The following SCMH1 variants were observed in gnomAD, a reference collection of about 807,000 sequenced individuals.
The protein encoded by SCMH1 is polycomb protein SCMH1.
In SCMH1, 37 loss-of-function variants were observed where a neutral mutation model predicts 70.8. The observed-to-expected ratio is 0.52, with a 90% confidence interval of 0.40 to 0.69. The LOEUF is 0.69. Ranked by LOEUF, SCMH1 falls within the 30% of genes least tolerant of loss-of-function variation. The pLI is 0.00. For synonymous variants in SCMH1, 292 were observed against 307.4 expected (o/e 0.95, Z 0.52); for missense variants, 607 against 827.3 (o/e 0.73, Z 3.27).
intron 12 of SCMH1, among the ~76,000 whole-genome samples, chr1:41,044,603 C>G (rs754619033): frequency 4.7e-4 from 72 of 152,172 alleles, no homozygotes; most frequent in Non-Finnish European, 8.7e-4. Context: ...TGCTGAGCAC[C>G]CACGATGAGA....
intron 1 of SCMH1, among the ~76,000 whole-genome samples, chr1:41,229,147 G>C (rs2148891323): frequency 6.6e-6 from 1 of 151,868 alleles, no homozygotes; most frequent in East Asian, 1.9e-4. Flanking sequence ...AGTGAGCCAA[G>C]ATTGTGCCAT....
At chr1:41,112,949 G>A (rs1669586585) in intron 8 of SCMH1, among the ~76,000 whole-genome samples, 1 of 152,212 alleles carries the variant, frequency 6.6e-6, no homozygotes, top group South Asian at 2.1e-4. Context: ...AGAGGAAGGT[G>A]TGTGCCTTGG....
At chr1:41,128,752 T>G (rs1044640331) in intron 6 of SCMH1, among the ~76,000 whole-genome samples, 1 of 152,156 alleles carries the variant, frequency 6.6e-6, no homozygotes, top group African/African-American at 2.4e-5. Context: ...TCTTATGTGC[T>G]CCTTATCTCT....
chr1:41,048,820 A>C (rs1210873286), exon 11 of SCMH1: 19 of 1,614,102 alleles, frequency 1.2e-5, no homozygotes, highest in Non-Finnish European at 1.5e-5. Flanking sequence ...CAAAATGGTC[A>C]GGGAGTTGCT....
At chr1:41,228,785 T>TA (rs1660762352) in intron 1 of SCMH1, among the ~76,000 whole-genome samples, 1 of 151,750 alleles carries the variant, frequency 6.6e-6, no homozygotes, top group Non-Finnish European at 1.5e-5. Context: ...GAGAATAGTA[T>TA]AATTATCAGA....
chr1:41,110,751 G>T (rs1329800605), intron 8 of SCMH1, among the ~76,000 whole-genome samples: 1 of 152,130 alleles, frequency 6.6e-6, no homozygotes, highest in Non-Finnish European at 1.5e-5. Flanking sequence ...TGCCATGAAT[G>T]TTCATTATGT....
At chr1:41,087,280 G>A (rs1009281314) in intron 8 of SCMH1, among the ~76,000 whole-genome samples, 1 of 151,846 alleles carries the variant, frequency 6.6e-6, no homozygotes, top group African/African-American at 2.4e-5. Context: ...AAGTACTAGA[G>A]GAAAATATAG....
chr1:41,071,388 G>C (rs1462663559), intron 9 of SCMH1, among the ~76,000 whole-genome samples: 1 of 151,684 alleles, frequency 6.6e-6, no homozygotes, highest in Non-Finnish European at 1.5e-5. Context: ...TCTGTTTTTT[G>C]AACTGTTGCA....
At chr1:41,190,813 T>C (rs558542110) in intron 1 of SCMH1, among the ~76,000 whole-genome samples, 1 of 152,224 alleles carries the variant, frequency 6.6e-6, no homozygotes, top group South Asian at 2.1e-4. Context: ...TGCGTCTCCA[T>C]CTACCATTTA....
chr1:41,195,076 A>G (rs1652680634), intron 1 of SCMH1, among the ~76,000 whole-genome samples: 1 of 133,298 alleles, frequency 7.5e-6, no homozygotes, highest in Non-Finnish European at 1.6e-5. Flanking sequence ...GGTTGTGGTG[A>G]GCTAAGATCA....
At chr1:41,198,911 A>C (rs1432827562) in intron 1 of SCMH1, among the ~76,000 whole-genome samples, 1 of 152,146 alleles carries the variant, frequency 6.6e-6, no homozygotes, top group Non-Finnish European at 1.5e-5. Flanking sequence ...ATTCAATTTC[A>C]CCTTGCCTGA....
chr1:41,049,696 G>A (rs1647314065), intron 10 of SCMH1, among the ~76,000 whole-genome samples: 1 of 151,504 alleles, frequency 6.6e-6, no homozygotes, highest in Non-Finnish European at 1.5e-5. Context: ...GAACCTGGAA[G>A]GTGGAGCTTG....
intron 4 of SCMH1, chr1:41,152,756 G>A: frequency 1.9e-6 from 3 of 1,593,336 alleles, no homozygotes; most frequent in Non-Finnish European, 2.6e-6. Context: ...GAATAAAAAT[G>A]AGTCACTGAA....
chr1:41,086,853 T>C (rs1435972459), intron 8 of SCMH1, among the ~76,000 whole-genome samples: 2 of 127,144 alleles, frequency 1.6e-5, no homozygotes, highest in African/African-American at 6.3e-5. Context: ...CTGAGCAATA[T>C]AATGAGACCC....
chr1:41,142,976 C>A, exon 6 of SCMH1: 1 of 1,614,162 alleles, frequency 6.2e-7, no homozygotes, highest in Non-Finnish European at 8.5e-7. Context: ...TTTGTTGTCG[C>A]TCCCATCAAG....
intron 1 of SCMH1, among the ~76,000 whole-genome samples, chr1:41,234,910 T>C (rs1662051928): frequency 6.6e-6 from 1 of 152,126 alleles, no homozygotes; most frequent in African/African-American, 2.4e-5. Flanking sequence ...AGTGTTCCCA[T>C]AGTACTTTGA....
At chr1:41,056,869 T>C (rs571654558) in intron 10 of SCMH1, among the ~76,000 whole-genome samples, 64 of 152,160 alleles carry the variant, frequency 4.2e-4, no homozygotes, top group Middle Eastern at 6.8e-3. Context: ...AAGAGAAAAA[T>C]ACCCTCATGC....
chr1:41,090,915 T>G (rs1329189285), intron 8 of SCMH1, among the ~76,000 whole-genome samples: 1 of 151,750 alleles, frequency 6.6e-6, no homozygotes, highest in East Asian at 1.9e-4. Flanking sequence ...GGCGGGTGCC[T>G]GTAGTCGCAG....
Position 41,229,740 on chromosome 1 carries a change from TA to T in SCMH1, c.-118+12318del, listed in dbSNP as rs900990472. Among the ~76,000 whole-genome samples, 179 of 149,338 alleles carry T rather than the reference TA, an allele frequency of 1.2e-3. 2 individuals are homozygous for T. The highest frequency in any genetic ancestry group is 2.6e-3 in the African/African-American group (106 of 40,770). On this transcript the variant is annotated intron_variant, in intron 1 of 14. Transcript: ENST00000337495. ...TGTACCCTAGAAATTAAAGTATAATTAAAAAAAAAATAAGATTGGCAAGACC... is the reference window on the plus strand; with the variant it reads ...TGTACCCTAGAAATTAAAGTATAATTAAAAAAAAATAAGATTGGCAAGACC...
Sources: allele counts gnomAD v4.1 joint callset (sites outside exome capture counted in the v4.1 genomes callset), GRCh38; gene constraint gnomAD v4.1.1; transcripts MANE v1.5; gene names NCBI Gene and HGNC (gene_info 2026-07-23, HGNC 2026-07-21).